Variants in GNA11 observed in about 807,000 individuals in gnomAD.
The protein encoded by GNA11 is G protein subunit alpha 11.
A neutral mutation model predicts 38.2 loss-of-function variants in GNA11; 8 were observed. That is an observed-to-expected ratio of 0.21 (90% CI 0.12 to 0.38). The LOEUF is 0.38. Among genes scored for constraint, GNA11 ranks in the 10% least tolerant of loss-of-function variants. GNA11 has a pLI of 1.00. For missense variants in GNA11, 268 were observed against 516.3 expected (o/e 0.52, Z 4.66); for synonymous variants, 211 against 221.4 (o/e 0.95, Z 0.42).
chr19:3,099,491 T>TG (rs1402893960), intron 1 of GNA11, among the ~76,000 whole-genome samples: 4 of 152,336 alleles, frequency 2.6e-5, no homozygotes, highest in Admixed American at 2.6e-4. Context: ...TGCAGGTGGT[T>TG]GCAGGTGCAT....
intron 1 of GNA11, among the ~76,000 whole-genome samples, chr19:3,101,072 C>T (rs1259373514): frequency 3.3e-5 from 5 of 152,088 alleles, no homozygotes; most frequent in Non-Finnish European, 7.4e-5. Context: ...TTCTGGGTAC[C>T]GCACCGTCCG....
At chr19:3,113,682 GGTGGACTCTGGT>G (rs1292702045) in intron 3 of GNA11, among the ~76,000 whole-genome samples, 198 bp downstream of exon 3, 4 of 152,318 alleles carry the variant, frequency 2.6e-5, no homozygotes, top group African/African-American at 9.6e-5. Flanking sequence ...GGCAGGAGCC[GGTGGACTCTGGT>G]GTGACACTGG....
rs1305776420 is a variant in GNA11 at position 3,094,402 on chromosome 19, T to TGGCGGTGGCTGC, written c.-244_-233dup. On this transcript the variant is annotated 5_prime_UTR_variant, in exon 1 of 7. Transcript: ENST00000078429. The surrounding 1 kb of genome is among the most constrained non-coding windows in gnomAD (Gnocchi z 6.0). ...GTCGCTCGGTTGCGGCGGCTGCGGT[T>TGGCGGTGGCTGC]GGCGGTGGCTGCGGCGGCGGCGCGG... 1 of 148,920 alleles carries TGGCGGTGGCTGC rather than the reference T, an allele frequency of 6.7e-6. No homozygotes were observed. The highest frequency in any genetic ancestry group is 2.0e-4 in the East Asian group (1 of 5,092). The allele number at this position is 148,920 out of a possible 1,614,324, so 9.2% of individuals were successfully genotyped here.
In GNA11 at chr19:3,121,454, T is replaced by TTAA. The variant is rs1914073979; in HGVS notation, c.*275_*276insTAA. 1 of 185,866 alleles carries TTAA rather than the reference T, an allele frequency of 5.4e-6. No homozygotes were observed. Among genetic ancestry groups the TTAA allele is most frequent in the Non-Finnish European group, 1.0e-5 (1 of 96,470 alleles). The allele number at this position is 185,866 out of a possible 1,614,324, so 11.5% of individuals were successfully genotyped here. A position where few individuals can be genotyped will look rare whatever the true frequency, so the allele number is the denominator to read the frequency against. ...CCTTGACTTATGGCTCGCTTTTTTC[T>TTAA]AAAAAAAAAAAAAAAAGAAAGAAAG... On this transcript the variant is annotated 3_prime_UTR_variant, in exon 7 of 7. Coordinates refer to ENST00000078429, the MANE Select transcript of GNA11 (RefSeq NM_002067.5).
intron 1 of GNA11, among the ~76,000 whole-genome samples, chr19:3,097,289 G>A (rs570095011): frequency 5.1e-4 from 77 of 152,160 alleles, no homozygotes; most frequent in Non-Finnish European, 1.3e-4. Context: ...AGGAGGCCCA[G>A]CCAAGCTGGG....
At chr19:3,109,304 G>GCACCCA (rs1913708968) in intron 1 of GNA11, among the ~76,000 whole-genome samples, 3 of 152,192 alleles carry the variant, frequency 2.0e-5, no homozygotes, top group Non-Finnish European at 2.9e-5. Flanking sequence ...AATGTGTGGG[G>GCACCCA]GGCTCATCTG....
At position 3,102,228 on chromosome 19, in the gene GNA11, A is replaced by G. The variant is rs1004320685; in HGVS notation, c.136+7441A>G. On this transcript the variant is annotated intron_variant, in intron 1 of 6. Transcript: ENST00000078429. ...GGGAGCCAGTCTGCACGGAAGCCTCAGTGGGAACAGAACAAGGTGGCATGG... is the reference window on the plus strand; with the variant it reads ...GGGAGCCAGTCTGCACGGAAGCCTCGGTGGGAACAGAACAAGGTGGCATGG... Among the ~76,000 whole-genome samples, 4 of 152,132 alleles carry G rather than the reference A, an allele frequency of 2.6e-5. No individual in the cohort carries two copies. The South Asian group carries it at 8.3e-4, about 32-fold the overall frequency.
Position 3,113,437 on chromosome 19 carries a change from A to G in GNA11, c.429A>G (p.Glu143=), listed in dbSNP as rs1208615736. The change falls in exon 3 of 7, where the codon GAA becomes GAG. Residue 143 remains glutamate (E), a synonymous_variant. Coordinates refer to ENST00000078429, the MANE Select transcript of GNA11 (RefSeq NM_002067.5). ...TGTGGGAGGACCCGGGCATCCAGGA[A>G]TGCTACGACCGCAGGCGCGAGTACC... is the stretch of plus-strand genomic sequence containing the variant. The part of the protein sequence containing the change: ...KTLWEDPGIQ[E]CYDRRREYQL... 3 of 1,612,696 alleles carry G rather than the reference A, an allele frequency of 1.9e-6. No individual in the cohort carries two copies. In the South Asian group the frequency reaches 3.3e-5, roughly 18 times the overall value.
chr19:3,096,583 G>A (rs1200178802), intron 1 of GNA11, among the ~76,000 whole-genome samples: 1 of 152,162 alleles, frequency 6.6e-6, no homozygotes, highest in Non-Finnish European at 1.5e-5. Context: ...AGGGGCTCCC[G>A]TGTCTGCCGC....
At chr19:3,113,559 T>A in intron 3 of GNA11, 75 bp downstream of exon 3, 1 of 1,178,650 alleles carries the variant, frequency 8.5e-7, no homozygotes, top group Non-Finnish European at 1.2e-6. Flanking sequence ...CGGGAAGGCC[T>A]CCGCGGCGTC....
At chr19:3,118,615 G>A (rs376771392) in intron 4 of GNA11, 22 of 342,996 alleles carry the variant, frequency 6.4e-5, no homozygotes, top group African/African-American at 3.7e-4. Flanking sequence ...GGCACCCATC[G>A]CAGGTTCCCG....
At chr19:3,102,549 C>T (rs376898155) in intron 1 of GNA11, among the ~76,000 whole-genome samples, 5 of 152,290 alleles carry the variant, frequency 3.3e-5, no homozygotes, top group Non-Finnish European at 5.9e-5. Flanking sequence ...GGATAAGCTG[C>T]GGAGCCAGGA....
Position 3,108,782 on chromosome 19 carries a change from A to C in GNA11, c.137-1367A>C, listed in dbSNP as rs993331408. ...GTGATCCTGGCTTGGGGTCTCTCAG[A>C]AGTTGTAGTCAGGATACCAGCCAAG... On this transcript the variant is annotated intron_variant, in intron 1 of 6. Transcript: ENST00000078429. This position sits in a 1 kb window ranked among gnomAD's most constrained non-coding sequence, Gnocchi z 4.5. Among the ~76,000 whole-genome samples, 4 of 152,196 alleles carry C rather than the reference A, an allele frequency of 2.6e-5. No individual in the cohort carries two copies. Among genetic ancestry groups the C allele is most frequent in the African/African-American group, 9.7e-5 (4 of 41,442 alleles).
intron 1 of GNA11, among the ~76,000 whole-genome samples, chr19:3,109,302 G>T (rs1389583488): frequency 6.6e-6 from 1 of 152,190 alleles, no homozygotes; most frequent in Admixed American, 6.5e-5. Context: ...AGAATGTGTG[G>T]GGGGCTCATC....
intron 4 of GNA11, 59 bp from the exon 5 acceptor site, chr19:3,118,865 G>C (rs2145325689): frequency 6.4e-7 from 1 of 1,559,456 alleles, no homozygotes; most frequent in Non-Finnish European, 8.8e-7. Context: ...GCCGTCCTGG[G>C]ATTGCAGATT....
Position 3,110,431 on chromosome 19 carries a change from G to T in GNA11, c.321+98G>T, listed in dbSNP as rs975225827. On this transcript the variant is annotated intron_variant, in intron 2 of 6. Transcript: ENST00000078429. This position sits in a 1 kb window ranked among gnomAD's most constrained non-coding sequence, Gnocchi z 5.4. ...CTGCCAGGGTGGGGCCATGCCGGGG[G>T]TCCCGGCCGGCCCAGGCTACCCCTG... is the stretch of plus-strand genomic sequence containing the variant. The T allele has an allele frequency of 1.0e-6, 1 of 965,896 alleles. No homozygotes were observed. Among genetic ancestry groups the T allele is most frequent in the Non-Finnish European group, 1.6e-6 (1 of 638,416 alleles). 59.8% of individuals were successfully genotyped at this position (965,896 alleles called of 1,614,324 possible). A position where few individuals can be genotyped will look rare whatever the true frequency, so the allele number is the denominator to read the frequency against.
chr19:3,102,653 C>G (rs979891493), intron 1 of GNA11, among the ~76,000 whole-genome samples: 1 of 152,180 alleles, frequency 6.6e-6, no homozygotes, highest in African/African-American at 2.4e-5. Flanking sequence ...TCCAGTCAAT[C>G]AGGCGCTGAG....
In GNA11 at chr19:3,110,529, T is replaced by C. The variant is rs1449828569; in HGVS notation, c.321+196T>C. Among the ~76,000 whole-genome samples, 1 of 152,134 alleles carries C rather than the reference T, an allele frequency of 6.6e-6. No homozygotes were observed. Among genetic ancestry groups the C allele is most frequent in the African/African-American group, 2.4e-5 (1 of 41,448 alleles). On this transcript the variant is annotated intron_variant, in intron 2 of 6. Coordinates refer to ENST00000078429, the MANE Select transcript of GNA11 (RefSeq NM_002067.5). This position sits in a 1 kb window ranked among gnomAD's most constrained non-coding sequence, Gnocchi z 5.4. ...TTCCTGGGGGCCAACTGGAGAGTTG[T>C]GATGGGCATTGCGTGGCCAAGCCCC... is the stretch of plus-strand genomic sequence containing the variant.
At chr19:3,099,243 A>AGC (rs377582496) in intron 1 of GNA11, among the ~76,000 whole-genome samples, 2 of 41,346 alleles carry the variant, frequency 4.8e-5, no homozygotes, top group Non-Finnish European at 1.4e-4. Flanking sequence ...CCCTGTAGAC[A>AGC]GCTGGGACCC....
Sources: allele counts gnomAD v4.1 joint callset (sites outside exome capture counted in the v4.1 genomes callset), GRCh38; gene constraint gnomAD v4.1.1; non-coding constraint Gnocchi (gnomAD v3.1); transcripts MANE v1.5; gene names NCBI Gene and HGNC (gene_info 2026-07-23, HGNC 2026-07-21).